The following ENTPD3 variants were observed in gnomAD, a reference collection of about 807,000 sequenced individuals.
ENTPD3 encodes the protein ectonucleoside triphosphate diphosphohydrolase 3, also known as CD39 antigen-like 3.
Under a neutral mutation model 51.2 loss-of-function variants are expected in ENTPD3, and 60 were observed. That is an observed-to-expected ratio of 1.17 (90% CI 0.95 to 1.45). The LOEUF (loss-of-function observed/expected upper bound fraction) is 1.45. Among genes scored for constraint, ENTPD3 ranks in the 40% most tolerant of loss-of-function variants. ENTPD3 has a pLI of 0.00. For synonymous variants in ENTPD3, 221 were observed against 238.4 expected, an observed-to-expected ratio of 0.93 and a Z score of 0.67; for missense variants, 593 against 641.1, an observed-to-expected ratio of 0.93 and a Z score of 0.81.
chr3:40,421,421 T>C (rs1183281397), intron 7 of ENTPD3, among the ~76,000 whole-genome samples: 1 of 152,140 alleles, frequency 6.6e-6, no homozygotes, highest in Non-Finnish European at 1.5e-5. Context: ...GTTCATAAAT[T>C]GAATCAACAA....
At chr3:40,410,197 T>C (rs202051928) in intron 4 of ENTPD3, among the ~76,000 whole-genome samples, 1 of 152,140 alleles carries the variant, frequency 6.6e-6, no homozygotes, top group East Asian at 1.9e-4. Flanking sequence ...TCCCAGCACT[T>C]TGGGAGGCTG....
intron 6 of ENTPD3, 68 bp from the exon 7 acceptor site, chr3:40,415,772 G>A (rs1184343058): frequency 1.6e-6 from 2 of 1,264,946 alleles, no homozygotes; most frequent in East Asian, 4.7e-5. Context: ...AGGCTTGGGT[G>A]GAGAACTCTG....
At chr3:40,390,669 TG>T (rs746761807) in intron 2 of ENTPD3, among the ~76,000 whole-genome samples, 19 of 152,236 alleles carry the variant, frequency 1.2e-4, no homozygotes, top group East Asian at 3.8e-4. Context: ...AAGTTTATAA[TG>T]TTTTTTTAAA....
intron 3 of ENTPD3, among the ~76,000 whole-genome samples, chr3:40,396,171 C>CT (rs1250933951): frequency 6.6e-6 from 1 of 152,164 alleles, no homozygotes; most frequent in Non-Finnish European, 1.5e-5. Flanking sequence ...AAGGTCCATT[C>CT]TGCTTAATTG....
chr3:40,407,199 G>A (rs1407596855), intron 4 of ENTPD3, among the ~76,000 whole-genome samples: 2 of 152,096 alleles, frequency 1.3e-5, no homozygotes, highest in Admixed American at 1.3e-4. Flanking sequence ...TGAGTCAGGG[G>A]AGGCAAACTT....
At chr3:40,405,504 C>CAA (rs11415995) in intron 4 of ENTPD3, among the ~76,000 whole-genome samples, 1,829 of 147,198 alleles carry the variant, frequency 0.012, 15 homozygotes, top group Non-Finnish European at 0.019. Context: ...GACTTCATTT[C>CAA]AAAAAAAAAA....
At chr3:40,401,713 T>C (rs1052375139) in intron 4 of ENTPD3, among the ~76,000 whole-genome samples, 1 of 152,234 alleles carries the variant, frequency 6.6e-6, no homozygotes, top group African/African-American at 2.4e-5. Flanking sequence ...TCTCATATCA[T>C]GAAATGTAAT....
At chr3:40,397,451 A>T (rs990571231) in intron 3 of ENTPD3, among the ~76,000 whole-genome samples, 4 of 152,022 alleles carry the variant, frequency 2.6e-5, no homozygotes, top group Admixed American at 2.6e-4. Flanking sequence ...GATCTTGGGC[A>T]TTTACTTACT....
chr3:40,392,190 C>T, intron 3 of ENTPD3, 40 bp downstream of exon 3: 1 of 1,599,796 alleles, frequency 6.3e-7, no homozygotes, highest in South Asian at 1.1e-5. Context: ...AAGAAATGAG[C>T]ATAAAGGGGA....
intron 7 of ENTPD3, among the ~76,000 whole-genome samples, 198 bp from the exon 8 acceptor site, chr3:40,422,652 T>C (rs1055289478): frequency 6.6e-6 from 1 of 151,948 alleles, no homozygotes; most frequent in Non-Finnish European, 1.5e-5. Context: ...ATGATGATTT[T>C]CAATTTCATC....
Position 40,411,804 on chromosome 3 carries a change from C to T in ENTPD3, c.287-8C>T. On this transcript the variant is annotated splice_region_variant and splice_polypyrimidine_tract_variant and intron_variant, in intron 4 of 10. Coordinates refer to ENST00000301825, the MANE Select transcript of ENTPD3 (RefSeq NM_001248.4). The stretch of plus-strand genomic sequence containing the variant: ...AATGCTGACAGATGCTGACTGCTTG[C>T]TTTTCAGGCTCTGGAATCTCCAGCT... 6.4e-7 allele frequency: 1 copy of T among 1,570,752 alleles called. No homozygotes were observed. The highest frequency in any genetic ancestry group is 8.6e-7 in the Non-Finnish European group (1 of 1,158,122).
intron 4 of ENTPD3, 31 bp downstream of exon 4, chr3:40,401,042 A>G (rs371722176): frequency 7.3e-5 from 110 of 1,511,304 alleles, no homozygotes; most frequent in South Asian, 2.1e-4. Context: ...GGGAGTCACA[A>G]TGGGCAGCAA....
At chr3:40,394,197 C>G (rs1040103710) in intron 3 of ENTPD3, 1 of 168,890 alleles carries the variant, frequency 5.9e-6, no homozygotes, top group African/African-American at 2.4e-5. Flanking sequence ...TCGCCCCAAC[C>G]TCTGCCTCCA....
intron 5 of ENTPD3, 81 bp from the exon 6 acceptor site, chr3:40,414,600 C>T: frequency 6.8e-7 from 1 of 1,464,658 alleles, no homozygotes. Context: ...GTGAAGTTTG[C>T]ATTTTCACCT....
chr3:40,416,725 AC>A (rs1490544028), intron 7 of ENTPD3, among the ~76,000 whole-genome samples: 2 of 152,164 alleles, frequency 1.3e-5, no homozygotes, highest in African/African-American at 4.8e-5. Flanking sequence ...GAGACCCCAG[AC>A]CCAAACACCA....
intron 5 of ENTPD3, among the ~76,000 whole-genome samples, chr3:40,414,363 CAG>C (rs1182487657): frequency 6.6e-6 from 1 of 152,196 alleles, no homozygotes; most frequent in African/African-American, 2.4e-5. Flanking sequence ...TGATCTAAGA[CAG>C]AGCAATGGCA....
In ENTPD3 at chr3:40,423,809, T is replaced by G. The variant is rs779072695; in HGVS notation, c.1216-17T>G. ...ATACCTGCCTGCCCTGCCTCTCAGATGTTTTAAACCTTTCAGCTCCCACTG... is the reference window on the plus strand; with the variant it reads ...ATACCTGCCTGCCCTGCCTCTCAGAGGTTTTAAACCTTTCAGCTCCCACTG... On this transcript the variant is annotated splice_polypyrimidine_tract_variant and intron_variant, in intron 9 of 10. Coordinates refer to ENST00000301825, the MANE Select transcript of ENTPD3 (RefSeq NM_001248.4). The G allele has an allele frequency of 6.2e-7, 1 of 1,612,204 alleles. No individual in the cohort carries two copies. The highest frequency in any genetic ancestry group is 8.5e-7 in the Non-Finnish European group (1 of 1,178,636).
chr3:40,423,115 C>A lies in ENTPD3; in HGVS notation c.1097C>A (p.Pro366Gln). 6.2e-7 allele frequency: 1 copy of A among 1,610,426 alleles called. No individual in the cohort carries two copies. Among genetic ancestry groups the A allele is most frequent in the East Asian group, 2.2e-5 (1 of 44,812 alleles). The change falls in exon 8 of 11, where the codon CCA (proline) becomes CAA (glutamine). Residue 366 changes from proline (P) to glutamine (Q), a missense_variant. Physicochemically the swap from Pro to Gln is moderately conservative, Grantham distance 76. Transcript: ENST00000301825. Reference protein sequence around the residue: ...DGVYQPKIKGPFVAFAGFYYT... With the variant: ...DGVYQPKIKGQFVAFAGFYYT... The stretch of plus-strand genomic sequence containing the variant: ...GTTTATCAGCCAAAGATTAAAGGGC[C>A]ATTTGTGGTAAGAGCAAAACCTTCT...
At chr3:40,408,912 C>T (rs1418758667) in intron 4 of ENTPD3, among the ~76,000 whole-genome samples, 1 of 145,316 alleles carries the variant, frequency 6.9e-6, no homozygotes, top group Non-Finnish European at 1.5e-5. Flanking sequence ...ATCCTTCCCA[C>T]CAGAGGGGAA....
Sources: gnomAD v4.1 joint callset for allele counts (sites outside exome capture counted in the v4.1 genomes callset) on GRCh38, gnomAD v4.1.1 for gene constraint, MANE v1.5 for transcripts, NCBI Gene and HGNC (gene_info 2026-07-23, HGNC 2026-07-21) for gene names.